The following C3orf20 variants were observed in gnomAD, a reference collection of about 807,000 sequenced individuals.
C3orf20 encodes the protein uncharacterized protein C3orf20.
A neutral mutation model predicts 88.3 loss-of-function variants in C3orf20; 76 were observed. The ratio of observed to expected loss-of-function variants is 0.86; its 90% CI spans 0.72 to 1.04. The LOEUF is 1.04. Among genes scored for constraint, C3orf20 ranks in the 50% least tolerant of loss-of-function variants. The pLI, the probability that C3orf20 is intolerant of heterozygous loss-of-function variation, is 0.00. For missense variants in C3orf20, 1,056 were observed against 1,123.3 expected (o/e 0.94, Z 0.86); for synonymous variants, 436 against 437.4 (o/e 1.00, Z 0.04).
chr3:14,730,651 T>C (rs2124992674), intron 12 of C3orf20, among the ~76,000 whole-genome samples: 2 of 152,364 alleles, frequency 1.3e-5, no homozygotes, highest in South Asian at 4.1e-4. Context: ...TGTGCTACTA[T>C]TGATTGGCAT....
At chr3:14,759,163 G>A (rs2035481939) in intron 13 of C3orf20, among the ~76,000 whole-genome samples, 1 of 152,144 alleles carries the variant, frequency 6.6e-6, no homozygotes, top group Non-Finnish European at 1.5e-5. Context: ...TGTCAGATTA[G>A]GGTGTCTTTG....
chr3:14,735,148 T>C (rs2034665751), intron 12 of C3orf20, among the ~76,000 whole-genome samples: 1 of 151,872 alleles, frequency 6.6e-6, no homozygotes, highest in African/African-American at 2.4e-5. Flanking sequence ...TTTCAATCTT[T>C]GTCTTTTAAT....
intron 7 of C3orf20, among the ~76,000 whole-genome samples, chr3:14,709,964 G>C (rs543595060): frequency 6.6e-6 from 1 of 152,144 alleles, no homozygotes; most frequent in East Asian, 1.9e-4. Context: ...TAAATGTCTG[G>C]TAGAATTCAC....
chr3:14,724,402 G>A (rs1248014627), intron 10 of C3orf20, among the ~76,000 whole-genome samples: 1 of 152,114 alleles, frequency 6.6e-6, no homozygotes, highest in Admixed American at 6.6e-5. Context: ...CTCTCAGTCT[G>A]TGTACCCAAC....
intron 9 of C3orf20, among the ~76,000 whole-genome samples, chr3:14,720,438 G>A (rs532226427): frequency 6.6e-6 from 1 of 152,334 alleles, no homozygotes; most frequent in Admixed American, 6.5e-5. Flanking sequence ...CCAGACTGCA[G>A]GGTGTGAGGA....
intron 6 of C3orf20, among the ~76,000 whole-genome samples, 170 bp from the exon 7 acceptor site, chr3:14,704,167 G>T (rs2033398493): frequency 6.6e-6 from 1 of 152,276 alleles, no homozygotes; most frequent in African/African-American, 2.4e-5. Context: ...GAACTTCCCA[G>T]TTCTTCCCAA....
rs6770980 is a variant in C3orf20 at position 14,761,634 on chromosome 3, A to G, written c.2495+19A>G. ...AATTCAGGTAAAACAGGAAACACGC[A>G]GGATGAGGGATGGGCCTGGGGAGGT... On this transcript the variant is annotated intron_variant, in intron 15 of 16. Coordinates refer to ENST00000253697, the MANE Select transcript of C3orf20 (RefSeq NM_032137.5). 2,113 of 1,580,908 alleles carry G rather than the reference A, an allele frequency of 1.3e-3. 23 individuals are homozygous for G. In the African/African-American group the frequency reaches 0.026, roughly 19 times the overall value.
rs140874567 is a variant in C3orf20 at position 14,759,577 on chromosome 3, C to T, written c.2245-314C>T. On this transcript the variant is annotated intron_variant, in intron 13 of 16. Coordinates refer to ENST00000253697, the MANE Select transcript of C3orf20 (RefSeq NM_032137.5). Reference sequence around the variant, plus strand: ...CCATCTTCAAACCTCTGCAGTGCTACCTCCAGGGCAAGGGAGCAGTCACAT... The same window carrying T: ...CCATCTTCAAACCTCTGCAGTGCTATCTCCAGGGCAAGGGAGCAGTCACAT... 2.6e-5 allele frequency among the ~76,000 whole-genome samples: 4 copies of T among 152,330 alleles called. No homozygotes were observed. In the East Asian group the frequency reaches 7.7e-4, roughly 29 times the overall value.
chr3:14,702,445 T>C lies in C3orf20; in HGVS notation c.746-685T>C, dbSNP rs545525963. On this transcript the variant is annotated intron_variant, in intron 5 of 16. Transcript: ENST00000253697. ...AATCTCATGTCCTCACATATCTTTT[T>C]TTTTTTTTTTTTTGAGTTGGAGTCT... Among the ~76,000 whole-genome samples, 56 of 150,180 alleles carry C rather than the reference T, an allele frequency of 3.7e-4. No homozygotes were observed. The South Asian group carries it at 6.0e-3, about 16-fold the overall frequency.
chr3:14,679,571 G>A (rs1211443133), intron 1 of C3orf20, among the ~76,000 whole-genome samples: 6 of 152,054 alleles, frequency 3.9e-5, no homozygotes, highest in South Asian at 2.1e-4. Context: ...GGGTAACCTC[G>A]TGGCTCAAAA....
chr3:14,748,020 G>A (rs899192035), intron 12 of C3orf20, among the ~76,000 whole-genome samples: 3 of 151,800 alleles, frequency 2.0e-5, no homozygotes, highest in Admixed American at 6.6e-5. Flanking sequence ...CATTTCTTCT[G>A]TTTTTAGGTG....
chr3:14,714,466 G>A (rs1208336941), intron 8 of C3orf20, among the ~76,000 whole-genome samples: 1 of 152,114 alleles, frequency 6.6e-6, no homozygotes. Flanking sequence ...ATTATTTAGT[G>A]GAAAAAATAT....
At chr3:14,688,529 C>CAAAAA (rs35979290) in intron 4 of C3orf20, among the ~76,000 whole-genome samples, 1 of 105,844 alleles carries the variant, frequency 9.4e-6, no homozygotes, top group Non-Finnish European at 1.8e-5. Context: ...GAGACTGTCT[C>CAAAAA]AAAAAAAAAA....
rs2031941417 is a variant in C3orf20 at position 14,678,998 on chromosome 3, G to A, written c.-298-3172G>A. On this transcript the variant is annotated intron_variant, in intron 1 of 16. Transcript: ENST00000253697. ...CTCCCACGGATCCCCCCACATCCCA[G>A]ACATACTGAGGTGTGTGCAGTCCTC... 2.0e-5 allele frequency among the ~76,000 whole-genome samples: 3 copies of A among 152,298 alleles called. No individual in the cohort carries two copies. The East Asian group carries it at 5.8e-4, about 29-fold the overall frequency.
At chr3:14,764,637 G>A (rs927191539) in intron 15 of C3orf20, among the ~76,000 whole-genome samples, 3 of 151,968 alleles carry the variant, frequency 2.0e-5, no homozygotes, top group African/African-American at 4.8e-5. Flanking sequence ...GAAGTTGTCT[G>A]GGGCTAAGTC....
intron 10 of C3orf20, among the ~76,000 whole-genome samples, chr3:14,723,099 A>C (rs6778269): frequency 0.067 from 10,273 of 152,300 alleles, 686 homozygotes; most frequent in African/African-American, 0.18. Flanking sequence ...ATACCTGGAG[A>C]AATTGTAAAT....
chr3:14,755,162 G>A (rs1359645082), intron 12 of C3orf20, among the ~76,000 whole-genome samples: 1 of 151,902 alleles, frequency 6.6e-6, no homozygotes, highest in Non-Finnish European at 1.5e-5. Context: ...ATTGGCCACT[G>A]TTCTATGGCA....
intron 15 of C3orf20, among the ~76,000 whole-genome samples, chr3:14,771,431 G>A (rs945754915): frequency 2.0e-5 from 3 of 152,194 alleles, no homozygotes; most frequent in South Asian, 4.1e-4. Context: ...CCAAGTTGTG[G>A]GCAGGGCCAC....
intron 11 of C3orf20, among the ~76,000 whole-genome samples, chr3:14,727,335 C>T (rs527731558): frequency 6.6e-5 from 10 of 152,206 alleles, no homozygotes; most frequent in Non-Finnish European, 1.3e-4. Flanking sequence ...GGCTGTGTCC[C>T]TCTTGTTCCC....
Sources: allele counts gnomAD v4.1 joint callset (sites outside exome capture counted in the v4.1 genomes callset), GRCh38; gene constraint gnomAD v4.1.1; transcripts MANE v1.5; gene names NCBI Gene and HGNC (gene_info 2026-07-23, HGNC 2026-07-21).